The following PPP2R2B variants were observed in gnomAD, a reference collection of about 807,000 sequenced individuals.
PPP2R2B encodes the protein serine/threonine-protein phosphatase 2A 55 kDa regulatory subunit B beta isoform.
A neutral mutation model predicts 46.0 loss-of-function variants in PPP2R2B; 5 were observed. The observed-to-expected ratio is 0.11, with a 90% CI of 0.06 to 0.23. The LOEUF is 0.23. PPP2R2B is among the 10% of genes least tolerant of loss of function. The pLI, the probability that PPP2R2B is intolerant of heterozygous loss-of-function variation, is 1.00. For missense variants in PPP2R2B, 367 were observed against 575.0 expected (o/e 0.64, Z 3.70); for synonymous variants, 215 against 206.7 (o/e 1.04, Z -0.34).
At chr5:146,906,386 G>A (rs1402856161) in intron 1 of PPP2R2B, among the ~76,000 whole-genome samples, 3 of 152,042 alleles carry the variant, frequency 2.0e-5, no homozygotes, top group Admixed American at 6.6e-5. Flanking sequence ...GCAATGGCGC[G>A]ATCTCGGCTC....
At position 147,079,996 on chromosome 5, in the gene PPP2R2B, G is replaced by A. The variant is rs141678533; in HGVS notation, c.50+1063C>T. On this transcript the variant is annotated intron_variant, in intron 2 of 10. Transcript: ENST00000394413. ...TTTCTTTTAAATATAATTTTATATGGATTTATTTATTAATTTTAGTGTGTT... is the reference window on the plus strand; with the variant it reads ...TTTCTTTTAAATATAATTTTATATGAATTTATTTATTAATTTTAGTGTGTT... Among the ~76,000 whole-genome samples, 311 of 152,132 alleles carry A rather than the reference G, an allele frequency of 2.0e-3. 2 individuals carry two copies. Among genetic ancestry groups the A allele is most frequent in the African/African-American group, 7.0e-3 (292 of 41,470 alleles).
chr5:147,009,114 T>C (rs776951102), intron 1 of PPP2R2B, among the ~76,000 whole-genome samples: 1 of 152,112 alleles, frequency 6.6e-6, no homozygotes, highest in Non-Finnish European at 1.5e-5. Flanking sequence ...GCTGGAGAAA[T>C]TGTTCTCATG....
At chr5:146,680,554 TA>T (rs1005259311) in intron 5 of PPP2R2B, among the ~76,000 whole-genome samples, 1 of 149,894 alleles carries the variant, frequency 6.7e-6, no homozygotes, top group South Asian at 2.1e-4. Context: ...ATAATAATAA[TA>T]AAAAAAACCA....
chr5:146,833,277 T>G (rs1241001541), intron 2 of PPP2R2B, among the ~76,000 whole-genome samples: 1 of 152,132 alleles, frequency 6.6e-6, no homozygotes, highest in African/African-American at 2.4e-5. Flanking sequence ...AAAGGGAATT[T>G]TTATCTACAT....
chr5:147,076,179 T>A (rs1438115711), intron 2 of PPP2R2B, among the ~76,000 whole-genome samples: 1 of 152,282 alleles, frequency 6.6e-6, no homozygotes, highest in Middle Eastern at 3.4e-3. Flanking sequence ...CATAACAATG[T>A]TATAAATATT....
chr5:146,904,265 G>A (rs1290893940), intron 1 of PPP2R2B, among the ~76,000 whole-genome samples: 2 of 152,182 alleles, frequency 1.3e-5, no homozygotes, highest in Non-Finnish European at 2.9e-5. Context: ...CTGATCCACA[G>A]TTCCTAAAAG....
intron 2 of PPP2R2B, among the ~76,000 whole-genome samples, chr5:146,848,603 T>C (rs1012874366): frequency 6.6e-6 from 1 of 152,116 alleles, no homozygotes; most frequent in Non-Finnish European, 1.5e-5. Flanking sequence ...ATCACATCAA[T>C]CAAAGGTACC....
intron 2 of PPP2R2B, among the ~76,000 whole-genome samples, chr5:146,749,663 G>GCAGT (rs1753425271): frequency 7.1e-6 from 1 of 140,964 alleles, no homozygotes; most frequent in Non-Finnish European, 1.5e-5. Context: ...AGGCTGGAGT[G>GCAGT]CAGTGGCTTA....
chr5:147,040,551 T>G lies in PPP2R2B; in HGVS notation c.79+15114A>C, dbSNP rs1402538425. Among the ~76,000 whole-genome samples the G allele has an allele frequency of 1.8e-4, 27 of 152,082 alleles. 1 individual carries two copies. The highest frequency in any genetic ancestry group is 1.8e-3 in the Admixed American group (27 of 15,266). On this transcript the variant is annotated intron_variant, in intron 1 of 8. Coordinates refer to the PPP2R2B transcript ENST00000336640. ...ACTGGAGAAATTGTAGGAGAACCAG[T>G]TCATAATAAATGACTGTCCCAAATC...
At chr5:146,890,869 C>A (rs527491593) in intron 1 of PPP2R2B, among the ~76,000 whole-genome samples, 21 of 152,212 alleles carry the variant, frequency 1.4e-4, no homozygotes, top group South Asian at 8.3e-4. Context: ...TTAATGATTT[C>A]TCTCCCCAGG....
chr5:146,582,539 C>T lies in PPP2R2B; in HGVS notation c.*7408G>A, dbSNP rs1224614237. 6.6e-6 allele frequency: 1 copy of T among 152,286 alleles called. No homozygotes were observed. The highest frequency in any genetic ancestry group is 6.5e-5 in the Admixed American group (1 of 15,280). 9.4% of individuals were successfully genotyped at this position (152,286 alleles called of 1,614,324 possible). On this transcript the variant is annotated 3_prime_UTR_variant, in exon 10 of 10. Coordinates refer to ENST00000394411, the MANE Select transcript of PPP2R2B (RefSeq NM_181675.4). The stretch of plus-strand genomic sequence containing the variant: ...TGGCTCCCAATTTTTTCTTAATTCC[C>T]TGACTCCTCTGAGCAGTCCTCTGAT...
intron 7 of PPP2R2B, among the ~76,000 whole-genome samples, chr5:146,623,759 C>G (rs549117016): frequency 1.2e-4 from 19 of 152,310 alleles, no homozygotes; most frequent in African/African-American, 4.6e-4. Context: ...ATTCCCCTGA[C>G]CTCTGCTGTC....
intron 6 of PPP2R2B, among the ~76,000 whole-genome samples, chr5:146,648,948 G>A (rs1478449128): frequency 1.3e-5 from 2 of 152,130 alleles, no homozygotes; most frequent in Non-Finnish European, 2.9e-5. Flanking sequence ...TAAATAACTT[G>A]GATTTTATTC....
chr5:147,023,253 A>G (rs1353710150), intron 1 of PPP2R2B, among the ~76,000 whole-genome samples: 1 of 152,208 alleles, frequency 6.6e-6, no homozygotes, highest in East Asian at 1.9e-4. Context: ...AGCAACCACT[A>G]AAACGAAAAC....
At chr5:146,801,613 C>G (rs1173143420) in intron 2 of PPP2R2B, among the ~76,000 whole-genome samples, 1 of 152,030 alleles carries the variant, frequency 6.6e-6, no homozygotes, top group Non-Finnish European at 1.5e-5. Context: ...GGGGTCAGGC[C>G]GCCTGCCTCT....
intron 7 of PPP2R2B, among the ~76,000 whole-genome samples, chr5:146,616,102 T>G (rs1345840389): frequency 6.6e-6 from 1 of 152,206 alleles, no homozygotes; most frequent in African/African-American, 2.4e-5. Context: ...GAACTCATTT[T>G]CAACAAAGGT....
At chr5:146,638,953 C>G (rs1309092655) in intron 6 of PPP2R2B, among the ~76,000 whole-genome samples, 1 of 152,198 alleles carries the variant, frequency 6.6e-6, no homozygotes, top group Non-Finnish European at 1.5e-5. Flanking sequence ...TAATGGAGCA[C>G]TAGCTATAGG....
At chr5:146,993,023 G>T (rs1228924815) in intron 1 of PPP2R2B, among the ~76,000 whole-genome samples, 1 of 151,966 alleles carries the variant, frequency 6.6e-6, no homozygotes, top group Non-Finnish European at 1.5e-5. Flanking sequence ...GCTCACTGCA[G>T]CCTCCGCCTC....
At chr5:146,985,364 ATGGT>A (rs1753379739) in intron 1 of PPP2R2B, among the ~76,000 whole-genome samples, 2 of 152,080 alleles carry the variant, frequency 1.3e-5, no homozygotes, top group South Asian at 4.1e-4. Flanking sequence ...GTCTCTTTAC[ATGGT>A]TAGTTGTTTC....
Sources: allele counts gnomAD v4.1 joint callset (sites outside exome capture counted in the v4.1 genomes callset), GRCh38; gene constraint gnomAD v4.1.1; transcripts MANE v1.5; gene names NCBI Gene and HGNC (gene_info 2026-07-23, HGNC 2026-07-21).